Variants in RCN2 observed in about 807,000 individuals in gnomAD.
RCN2 encodes reticulocalbin-2.
A neutral mutation model predicts 37.5 loss-of-function variants in RCN2; 23 were observed. The ratio of observed to expected loss-of-function variants is 0.61; its 90% confidence interval spans 0.44 to 0.87. The LOEUF (loss-of-function observed/expected upper bound fraction) is 0.87. Among genes scored for constraint, RCN2 ranks in the 40% least tolerant of loss-of-function variants. The pLI, the probability that RCN2 is intolerant of heterozygous loss-of-function variation, is 0.00. For missense variants in RCN2, 381 were observed against 390.4 expected (o/e 0.98, Z 0.20); for synonymous variants, 140 against 144.6 (o/e 0.97, Z 0.23).
At position 76,949,169 on chromosome 15, in the gene RCN2, A is replaced by G. The variant is rs769828935; in HGVS notation, c.901A>G (p.Thr301Ala). 1.2e-6 allele frequency: 2 copies of G among 1,613,380 alleles called. No homozygotes were observed. The highest frequency in any genetic ancestry group is 1.3e-5 in the African/African-American group (1 of 74,902). The change falls in exon 7 of 7, where the codon ACA becomes GCA. Residue 301 changes from threonine (T) to alanine (A), a missense_variant. Coordinates refer to ENST00000394885, the MANE Select transcript of RCN2 (RefSeq NM_002902.3). ...GGACTTGTTTCTCACCAGTGAAGCCACAGATTATGGCAGACAGCTCCATGA... is the reference window on the plus strand; with the variant it reads ...GGACTTGTTTCTCACCAGTGAAGCCGCAGATTATGGCAGACAGCTCCATGA... ...NPDLFLTSEA[T>A]DYGRQLHDDY...
chr15:76,946,388 T>C (rs895285115), intron 4 of RCN2, among the ~76,000 whole-genome samples: 12 of 151,958 alleles, frequency 7.9e-5, no homozygotes, highest in Admixed American at 3.9e-4. Flanking sequence ...TTGGAGCCTA[T>C]GATGCCACTA....
chr15:76,943,728 T>G, intron 3 of RCN2, 30 bp from the exon 4 acceptor site: 1 of 1,137,212 alleles, frequency 8.8e-7, no homozygotes, highest in Non-Finnish European at 1.3e-6. Context: ...AATGATGTGG[T>G]ATACTAATGA....
intron 6 of RCN2, 129 bp downstream of exon 6, chr15:76,948,681 C>A: frequency 1.2e-6 from 1 of 858,376 alleles, no homozygotes; most frequent in East Asian, 2.7e-5. Flanking sequence ...TGATGCATTA[C>A]TATGTTTTGA....
rs1178123415 is a variant in RCN2, at chr15:76,950,926, C to T, written c.*1704C>T. The T allele has an allele frequency of 1.3e-5, 2 of 152,292 alleles. No individual in the cohort carries two copies. Among genetic ancestry groups the T allele is most frequent in the East Asian group, 3.9e-4 (2 of 5,186 alleles). 9.4% of individuals were successfully genotyped at this position (152,292 alleles called of 1,614,324 possible). ...GGTGTGCTTGCAAATTGTAAGCTTC[C>T]ACACCTTAATGACTGCTTGCTTGGG... On this transcript the variant is annotated 3_prime_UTR_variant, in exon 7 of 7. Coordinates refer to ENST00000394885, the MANE Select transcript of RCN2 (RefSeq NM_002902.3).
Position 76,949,181 on chromosome 15 carries a change from A to C in RCN2, c.913A>C (p.Arg305=). 6.2e-7 allele frequency: 1 copy of C among 1,612,870 alleles called. No homozygotes were observed. Among genetic ancestry groups the C allele is most frequent in the Non-Finnish European group, 8.5e-7 (1 of 1,179,384 alleles). The change falls in exon 7 of 7, where the codon AGA becomes CGA. Residue 305 remains arginine (R), a synonymous_variant. Coordinates refer to ENST00000394885, the MANE Select transcript of RCN2 (RefSeq NM_002902.3). ...FLTSEATDYG[R]QLHDDYFYHD... is the part of the protein sequence containing the mutation. ...CACCAGTGAAGCCACAGATTATGGC[A>C]GACAGCTCCATGATGACTATTTCTA...
At position 76,953,422 on chromosome 15, in the gene RCN2, G is replaced by T. The variant is rs1430307900; in HGVS notation, c.*4200G>T. The T allele has an allele frequency of 6.6e-6, 1 of 150,584 alleles. No individual in the cohort carries two copies. The highest frequency in any genetic ancestry group is 1.9e-4 in the East Asian group (1 of 5,156). 9.3% of individuals were successfully genotyped at this position (150,584 alleles called of 1,614,324 possible). A position where few individuals can be genotyped will look rare whatever the true frequency, so the allele number is the denominator to read the frequency against. On this transcript the variant is annotated 3_prime_UTR_variant, in exon 7 of 7. Coordinates refer to ENST00000394885, the MANE Select transcript of RCN2 (RefSeq NM_002902.3). ...TCCATTCACCCTTTGATGGACACAGGTTGCTTCCACCTTTTATTGTGAATA... is the reference window on the plus strand; with the variant it reads ...TCCATTCACCCTTTGATGGACACAGTTTGCTTCCACCTTTTATTGTGAATA...
At chr15:76,947,605 C>G (rs1237404829) in intron 5 of RCN2, 88 bp downstream of exon 5, 3 of 827,168 alleles carry the variant, frequency 3.6e-6, no homozygotes, top group Non-Finnish European at 6.0e-6. Context: ...CTCTCTTCAA[C>G]AGGAAATGTA....
chr15:76,948,246 ATATT>A (rs1373484651), intron 5 of RCN2, 160 bp from the exon 6 acceptor site: 1 of 447,388 alleles, frequency 2.2e-6, no homozygotes, highest in East Asian at 3.3e-5. Flanking sequence ...AAATGACTAT[ATATT>A]TGTTCTTATG....
At chr15:76,939,231 AAAATAAATAAATAAATAAATAAATAAAT>A (rs147122407) in intron 3 of RCN2, among the ~76,000 whole-genome samples, 1 of 144,634 alleles carries the variant, frequency 6.9e-6, no homozygotes, top group Admixed American at 6.9e-5. Context: ...CTCATTTCTA[AAAATAAATAAATAAATAAATAAATAAAT>A]AAATAAATAA....
chr15:76,944,346 C>T (rs1568461147), intron 4 of RCN2, among the ~76,000 whole-genome samples: 1 of 152,120 alleles, frequency 6.6e-6, no homozygotes, highest in Non-Finnish European at 1.5e-5. Flanking sequence ...TATCCATCCC[C>T]TCGAACTTTT....
At chr15:76,939,882 T>G (rs2152650411) in intron 3 of RCN2, among the ~76,000 whole-genome samples, 1 of 152,322 alleles carries the variant, frequency 6.6e-6, no homozygotes, top group African/African-American at 2.4e-5. Flanking sequence ...ATGTAATAGA[T>G]GGTGCTGAGA....
intron 1 of RCN2, 38 bp from the exon 2 acceptor site, chr15:76,932,323 T>C (rs1281115644): frequency 1.3e-6 from 2 of 1,505,058 alleles, no homozygotes; most frequent in Non-Finnish European, 1.8e-6. Context: ...CCACTGATAG[T>C]AATGCTTGGC....
rs1160545513 is a variant in RCN2, at chr15:76,931,929, T to C, written c.88T>C (p.Tyr30His). The change falls in exon 1 of 7, where the codon TAC becomes CAC. Residue 30 changes from tyrosine to histidine, a missense_variant. Tyr to His is a moderately conservative substitution (Grantham distance 83, BLOSUM62 2). Transcript: ENST00000394885. ...AGAGKAEELH[Y>H]PLGERRSDYD... ...CGCCGGCAAGGCCGAGGAGCTGCAC[T>C]ACCCGCTGGGCGAGCGCCGCAGCGA... 2 of 1,314,174 alleles carry C rather than the reference T, an allele frequency of 1.5e-6. No individual in the cohort carries two copies. The highest frequency in any genetic ancestry group is 1.9e-6 in the Non-Finnish European group (2 of 1,033,426). 81.4% of individuals were successfully genotyped at this position (1,314,174 alleles called of 1,614,324 possible). A position where few individuals can be genotyped will look rare whatever the true frequency, so the allele number is the denominator to read the frequency against.
intron 4 of RCN2, among the ~76,000 whole-genome samples, chr15:76,945,361 ACAT>A (rs1341892410): frequency 1.3e-5 from 2 of 152,132 alleles, no homozygotes; most frequent in African/African-American, 2.4e-5. Context: ...GTCTGGAAAA[ACAT>A]CATGTTTGGA....
At chr15:76,944,716 C>CT (rs2075290618) in intron 4 of RCN2, among the ~76,000 whole-genome samples, 1 of 152,092 alleles carries the variant, frequency 6.6e-6, no homozygotes, top group Non-Finnish European at 1.5e-5. Flanking sequence ...GGATCTCTTT[C>CT]TTTTTTATGA....
In RCN2 at chr15:76,931,751, C is replaced by T. The variant is rs1313699802; in HGVS notation, c.-91C>T. 22 of 1,042,692 alleles carry T rather than the reference C, an allele frequency of 2.1e-5. No individual in the cohort carries two copies. The highest frequency in any genetic ancestry group is 2.7e-5 in the Non-Finnish European group (22 of 830,170). The allele number at this position is 1,042,692 out of a possible 1,614,324, so 64.6% of individuals were successfully genotyped here. Reference sequence around the variant, plus strand: ...GCCCTCAACGTACGTCGCACCGCCTCTCTGTAGCCGCCCGCGGAGCATCGC... The same window carrying T: ...GCCCTCAACGTACGTCGCACCGCCTTTCTGTAGCCGCCCGCGGAGCATCGC... On this transcript the variant is annotated 5_prime_UTR_variant, in exon 1 of 7. Transcript: ENST00000394885.
rs1175238712 is a variant in RCN2, at chr15:76,931,845, C to T, written c.4C>T (p.Arg2Trp). The T allele has an allele frequency of 1.6e-6, 2 of 1,235,156 alleles. No individual in the cohort carries two copies. Among genetic ancestry groups the T allele is most frequent in the South Asian group, 6.5e-5 (2 of 30,596 alleles). 76.5% of individuals were successfully genotyped at this position (1,235,156 alleles called of 1,614,324 possible). A position where few individuals can be genotyped will look rare whatever the true frequency, so the allele number is the denominator to read the frequency against. ...GTGTCCTCCGCGGGCCGGCGCGATG[C>T]GGCTGGGCCCGAGGACCGCGGCGTT... M[R>W]LGPRTAALGL... The change falls in exon 1 of 7, where the codon CGG becomes TGG. Residue 2 changes from arginine to tryptophan, a missense_variant. Transcript: ENST00000394885.
At chr15:76,944,247 CT>C (rs2075288136) in intron 4 of RCN2, among the ~76,000 whole-genome samples, 1 of 151,932 alleles carries the variant, frequency 6.6e-6, no homozygotes, top group Non-Finnish European at 1.5e-5. Flanking sequence ...TGCCAAAGTG[CT>C]GGGATTATAA....
chr15:76,935,593 T>G lies in RCN2; in HGVS notation c.318T>G (p.Phe106Leu). Residue 106 changes from phenylalanine (F) to leucine (L), a missense_variant, in exon 3 of 7, where the codon TTT (phenylalanine) becomes TTG (leucine). Coordinates refer to ENST00000394885, the MANE Select transcript of RCN2 (RefSeq NM_002902.3). The stretch of plus-strand genomic sequence containing the variant: ...CTATGCAAGAAGCAAAACAACAGTT[T>G]GTTGAATATGATAAAAACAGTGATG... ...HYAMQEAKQQ[F>L]VEYDKNSDDT... 6 of 1,613,740 alleles carry G rather than the reference T, an allele frequency of 3.7e-6. No homozygotes were observed. Among genetic ancestry groups the G allele is most frequent in the Non-Finnish European group, 5.1e-6 (6 of 1,179,664 alleles).
Sources: gnomAD v4.1 joint callset for allele counts (sites outside exome capture counted in the v4.1 genomes callset) on GRCh38, gnomAD v4.1.1 for gene constraint, MANE v1.5 for transcripts, NCBI Gene and HGNC (gene_info 2026-07-23, HGNC 2026-07-21) for gene names.